The following DLGAP2 variants were observed in gnomAD, a reference collection of about 807,000 sequenced individuals.
DLGAP2 encodes DLG associated protein 2, also known as disks large-associated protein 2.
Under a neutral mutation model 100.3 loss-of-function variants are expected in DLGAP2, and 26 were observed. The observed-to-expected ratio is 0.26, with a 90% confidence interval of 0.19 to 0.36. The LOEUF is 0.36. DLGAP2 is among the 10% of genes least tolerant of loss of function. The pLI is 1.00. For missense variants in DLGAP2, 1,858 were observed against 1,453.2 expected (o/e 1.28, Z -4.53); for synonymous variants, 886 against 630.1 (o/e 1.41, Z -6.08).
chr8:1,494,252 T>C (rs759713109), intron 3 of DLGAP2, among the ~76,000 whole-genome samples: 8 of 152,278 alleles, frequency 5.3e-5, no homozygotes, highest in Non-Finnish European at 8.8e-5. Flanking sequence ...TGGTTTTTCC[T>C]TCTAATACTT....
intron 3 of DLGAP2, among the ~76,000 whole-genome samples, chr8:1,302,874 G>A (rs1412790052): frequency 3.3e-5 from 5 of 152,234 alleles, no homozygotes; most frequent in Admixed American, 6.5e-5. Flanking sequence ...ACAGCGCTTA[G>A]GTACTTTCCA....
At chr8:1,028,447 C>T (rs556644565) in intron 2 of DLGAP2, among the ~76,000 whole-genome samples, 160 of 150,866 alleles carry the variant, frequency 1.1e-3, no homozygotes, top group African/African-American at 3.8e-3. Flanking sequence ...GCCCGTTATT[C>T]TCCAGGTGGG....
At chr8:1,139,451 T>G (rs922929921) in intron 2 of DLGAP2, among the ~76,000 whole-genome samples, 4 of 152,202 alleles carry the variant, frequency 2.6e-5, no homozygotes, top group Admixed American at 6.5e-5. Flanking sequence ...GGCTCACAGA[T>G]AACACCCTCT....
chr8:752,929 C>T (rs1175715712), intron 1 of DLGAP2, among the ~76,000 whole-genome samples: 1 of 152,188 alleles, frequency 6.6e-6, no homozygotes, highest in Non-Finnish European at 1.5e-5. Flanking sequence ...AGTGGATCAC[C>T]CTCACTCGGT....
chr8:1,013,692 T>C lies in DLGAP2; in HGVS notation c.73+105726T>C, dbSNP rs113896437. Among the ~76,000 whole-genome samples the C allele has an allele frequency of 7.4e-3, 571 of 77,062 alleles. 11 individuals carry two copies. Among genetic ancestry groups the C allele is most frequent in the South Asian group, 0.036 (57 of 1,584 alleles). 50.6% of individuals were successfully genotyped at this position (77,062 alleles called of 152,430 possible). ...CACTGTGTGAGACCAGGACAGACGATGCCTCCATTGTGTGTATGACCAGGA... is the reference window on the plus strand; with the variant it reads ...CACTGTGTGAGACCAGGACAGACGACGCCTCCATTGTGTGTATGACCAGGA... On this transcript the variant is annotated intron_variant, in intron 2 of 14. Coordinates refer to ENST00000637795, the MANE Select transcript of DLGAP2 (RefSeq NM_001346810.2).
chr8:1,632,303 C>G (rs1179445572), intron 7 of DLGAP2, among the ~76,000 whole-genome samples: 1 of 152,096 alleles, frequency 6.6e-6, no homozygotes, highest in Non-Finnish European at 1.5e-5. Context: ...GTTTAGAAGC[C>G]AAATTTGTGA....
chr8:1,532,999 C>G (rs775885431), intron 4 of DLGAP2, among the ~76,000 whole-genome samples: 3 of 152,132 alleles, frequency 2.0e-5, no homozygotes, highest in Non-Finnish European at 2.9e-5. Flanking sequence ...TCTGTCTACT[C>G]TCCTTGCATA....
At chr8:1,111,914 A>G (rs1185051139) in intron 2 of DLGAP2, among the ~76,000 whole-genome samples, 1 of 152,148 alleles carries the variant, frequency 6.6e-6, no homozygotes, top group Non-Finnish European at 1.5e-5. Flanking sequence ...TCCTCTGGAT[A>G]TATACCCGCT....
intron 4 of DLGAP2, among the ~76,000 whole-genome samples, chr8:1,540,205 C>T (rs1012522101): frequency 2.6e-5 from 4 of 152,222 alleles, no homozygotes; most frequent in African/African-American, 7.2e-5. Flanking sequence ...CCACACTTGT[C>T]CCAGCGGGTA....
At chr8:1,180,121 C>T (rs1013099100) in intron 2 of DLGAP2, among the ~76,000 whole-genome samples, 2 of 152,210 alleles carry the variant, frequency 1.3e-5, no homozygotes, top group African/African-American at 2.4e-5. Context: ...AATGGATGTG[C>T]CTTCACAGTG....
intron 7 of DLGAP2, among the ~76,000 whole-genome samples, chr8:1,628,630 C>T (rs112345713): frequency 8.1e-5 from 10 of 123,766 alleles, no homozygotes; most frequent in South Asian, 2.9e-4. Flanking sequence ...GAGCTTGAGC[C>T]GACCTCACAT....
At chr8:852,747 T>G (rs1356391320) in intron 1 of DLGAP2, among the ~76,000 whole-genome samples, 1 of 152,194 alleles carries the variant, frequency 6.6e-6, no homozygotes, top group African/African-American at 2.4e-5. Context: ...CAAGGCTGAG[T>G]GCATTCTCGG....
intron 2 of DLGAP2, among the ~76,000 whole-genome samples, chr8:963,416 C>T (rs1415075945): frequency 6.6e-6 from 1 of 152,094 alleles, no homozygotes; most frequent in African/African-American, 2.4e-5. Flanking sequence ...CTTTTACTGC[C>T]TTTTCTTATT....
rs76461378 is a variant in DLGAP2 at position 1,427,284 on chromosome 8, G to A, written c.107-74082G>A. Among the ~76,000 whole-genome samples the A allele has an allele frequency of 1.8e-4, 28 of 152,270 alleles. 1 individual carries two copies. In the East Asian group the frequency reaches 5.4e-3, roughly 29 times the overall value. ...AAGCAGACAAATTAGTGAGGATATA[G>A]ATGATTTGAACAACACAACGACAAA... On this transcript the variant is annotated intron_variant, in intron 3 of 14. Transcript: ENST00000637795.
At chr8:1,369,638 C>G (rs1194371816) in intron 3 of DLGAP2, 1 of 152,274 alleles carries the variant, frequency 6.6e-6, no homozygotes, top group East Asian at 1.9e-4. Flanking sequence ...GCATGAAACT[C>G]CATTCTCACA....
intron 4 of DLGAP2, among the ~76,000 whole-genome samples, chr8:1,534,381 A>G (rs1006291364): frequency 2.0e-5 from 3 of 152,222 alleles, no homozygotes; most frequent in Non-Finnish European, 4.4e-5. Context: ...ATTGTTTTCT[A>G]ATGTTACAAT....
intron 1 of DLGAP2, among the ~76,000 whole-genome samples, chr8:856,468 A>G (rs1797280469): frequency 1.3e-5 from 2 of 152,184 alleles, no homozygotes; most frequent in Non-Finnish European, 2.9e-5. Flanking sequence ...GATTACAGGC[A>G]TGAGCCACGG....
At chr8:1,689,690 G>A (rs1277320967) in intron 12 of DLGAP2, among the ~76,000 whole-genome samples, 1 of 152,028 alleles carries the variant, frequency 6.6e-6, no homozygotes, top group African/African-American at 2.4e-5. Flanking sequence ...CGCAGATGAC[G>A]CCCCGTGAGC....
chr8:1,217,731 G>A (rs1254366082), intron 2 of DLGAP2, among the ~76,000 whole-genome samples: 1 of 151,908 alleles, frequency 6.6e-6, no homozygotes, highest in Non-Finnish European at 1.5e-5. Flanking sequence ...ACCAGTAGTG[G>A]GAATATAAAT....
Sources: allele counts gnomAD v4.1 joint callset (sites outside exome capture counted in the v4.1 genomes callset), GRCh38; gene constraint gnomAD v4.1.1; transcripts MANE v1.5; gene names NCBI Gene and HGNC (gene_info 2026-07-23, HGNC 2026-07-21).